The following SMARCA2 variants were observed in gnomAD, a reference collection of about 807,000 sequenced individuals.
SMARCA2 encodes SWI/SNF related BAF chromatin remodeling complex subunit ATPase 2.
SMARCA2 carries 61 observed loss-of-function variants against 199.8 expected under a neutral mutation model. The observed-to-expected ratio is 0.31, with a 90% CI of 0.25 to 0.38. The LOEUF is 0.38. Ranked by LOEUF, SMARCA2 falls within the 10% of genes least tolerant of loss-of-function variation. The pLI is 1.00. For synonymous variants in SMARCA2, 935 were observed against 732.0 expected (o/e 1.28, Z -4.48); for missense variants, 1,344 against 2,012.2 (o/e 0.67, Z 6.35).
intron 4 of SMARCA2, chr9:2,040,126 TGGAGACCCAG>T: frequency 1.1e-6 from 1 of 926,200 alleles, no homozygotes. Flanking sequence ...TTGTGCAAGC[TGGAGACCCAG>T]GGAAAAAGCA....
chr9:2,047,311 C>A lies in SMARCA2; in HGVS notation c.873C>A (p.Pro291=). 1 of 1,018,638 alleles carries A rather than the reference C, an allele frequency of 9.8e-7. No individual in the cohort carries two copies. Among genetic ancestry groups the A allele is most frequent in the Non-Finnish European group, 1.2e-6 (1 of 847,388 alleles). The allele number at this position is 1,018,638 out of a possible 1,614,324, so 63.1% of individuals were successfully genotyped here. The change falls in exon 5 of 34, where the codon CCC becomes CCA. Residue 291 remains proline, a synonymous_variant. Transcript: ENST00000349721. ...PAPGGRPSPA[P]PAAAQPPAAA... is the part of the protein sequence containing the mutation. ...CCGGCGGCCGGCCCTCGCCCGCGCC[C>A]CCCGCAGCCGCGCAGCCGCCCGCGG...
intron 9 of SMARCA2, among the ~76,000 whole-genome samples, chr9:2,064,577 T>A (rs1440088484): frequency 6.6e-6 from 1 of 152,240 alleles, no homozygotes; most frequent in Non-Finnish European, 1.5e-5. Context: ...GTTGAATCAA[T>A]AATAATTGGT....
chr9:2,149,743 A>AT (rs1824961410), intron 27 of SMARCA2, among the ~76,000 whole-genome samples: 2 of 151,428 alleles, frequency 1.3e-5, no homozygotes, highest in Admixed American at 6.6e-5. Flanking sequence ...CTTTGTTCTT[A>AT]TTTTTTTGCG....
chr9:2,094,596 G>A (rs752848866), intron 19 of SMARCA2, among the ~76,000 whole-genome samples: 1 of 152,174 alleles, frequency 6.6e-6, no homozygotes, highest in Non-Finnish European at 1.5e-5. Context: ...CTCCTCAGTC[G>A]TCCTAACGTG....
intron 29 of SMARCA2, among the ~76,000 whole-genome samples, chr9:2,175,472 G>T (rs1826520079): frequency 2.0e-5 from 3 of 152,264 alleles, no homozygotes; most frequent in Admixed American, 1.3e-4. Context: ...TAAAACTTTT[G>T]TGTAATGATT....
Position 2,039,582 on chromosome 9 carries a change from C to G in SMARCA2, c.472C>G (p.Pro158Ala), listed in dbSNP as rs548490250. The G allele has an allele frequency of 2.5e-6, 4 of 1,614,210 alleles. No individual in the cohort carries two copies. Among genetic ancestry groups the G allele is most frequent in the African/African-American group, 2.7e-5 (2 of 75,044 alleles). ...ACCAAGCCAGCCGGGGGCCCTCATC[C>G]CAGGTGATCCGCAGGCCATGAGCCA... Reference protein sequence around the residue: ...MPPSQPGALIPGDPQAMSQPN... With the variant: ...MPPSQPGALIAGDPQAMSQPN... Residue 158 changes from proline to alanine, a missense_variant, in exon 4 of 34, where the codon CCA (proline) becomes GCA (alanine). Transcript: ENST00000349721. The surrounding 1 kb of genome is among the most constrained non-coding windows in gnomAD (Gnocchi z 4.8).
At chr9:2,137,515 G>A (rs1322054598) in intron 27 of SMARCA2, among the ~76,000 whole-genome samples, 1 of 152,076 alleles carries the variant, frequency 6.6e-6, no homozygotes, top group African/African-American at 2.4e-5. Flanking sequence ...ATCTTCATGT[G>A]GCTGTCTCCT....
intron 27 of SMARCA2, among the ~76,000 whole-genome samples, chr9:2,146,854 T>TGTTAA (rs1824774957): frequency 6.6e-6 from 1 of 152,140 alleles, no homozygotes; most frequent in East Asian, 1.9e-4. Flanking sequence ...CATCACCATC[T>TGTTAA]TGGTTTTGGT....
Position 2,170,526 on chromosome 9 carries a change from G to A in SMARCA2, c.4253+54G>A, listed in dbSNP as rs376047971. ...TCTAAATACAGGTATCCCTCGTTAC[G>A]TGAAACAGATTGAATCATATAATCG... On this transcript the variant is annotated intron_variant, in intron 29 of 33. Transcript: ENST00000349721. The surrounding 1 kb of genome is among the most constrained non-coding windows in gnomAD (Gnocchi z 4.7). 9.9e-4 allele frequency: 1,590 copies of A among 1,612,912 alleles called. 21 individuals are homozygous for A. The South Asian group carries it at 0.014, about 14-fold the overall frequency.
At chr9:2,178,749 G>A (rs184334682) in intron 29 of SMARCA2, among the ~76,000 whole-genome samples, 4 of 151,950 alleles carry the variant, frequency 2.6e-5, no homozygotes, top group Admixed American at 2.6e-4. Context: ...TGTAATTTAG[G>A]AAAAAAATAA....
chr9:2,077,598 G>A (rs975049735), intron 13 of SMARCA2, 31 bp from the exon 14 acceptor site: 1 of 1,607,380 alleles, frequency 6.2e-7, no homozygotes, highest in Non-Finnish European at 8.5e-7. Context: ...GCACATGTCT[G>A]TGTGTGATTC....
chr9:2,018,088 A>G (rs922355966), intron 1 of SMARCA2: 1 of 152,226 alleles, frequency 6.6e-6, no homozygotes, highest in East Asian at 1.9e-4. Flanking sequence ...TCGGGCCTAA[A>G]CGTACCTCCA....
Position 2,093,863 on chromosome 9 carries a change from T to G in SMARCA2, c.2884-2794T>G, listed in dbSNP as rs113855072. Among the ~76,000 whole-genome samples the G allele has an allele frequency of 4.4e-3, 669 of 152,342 alleles. 5 individuals are homozygous for G. The highest frequency in any genetic ancestry group is 0.015 in the African/African-American group (639 of 41,570). On this transcript the variant is annotated intron_variant, in intron 19 of 33. Transcript: ENST00000349721. ...CATTGACCTGTGCCCTGAAAGTAAC[T>G]CATATCTTGAGACATTAATATTAGT...
intron 27 of SMARCA2, among the ~76,000 whole-genome samples, chr9:2,126,880 T>A (rs781655980): frequency 3.9e-5 from 6 of 152,256 alleles, no homozygotes; most frequent in Non-Finnish European, 7.3e-5. Context: ...CTCTGATTAA[T>A]AGTTCTTCCT....
intron 2 of SMARCA2, chr9:2,032,666 G>C: frequency 4.2e-6 from 1 of 239,796 alleles, no homozygotes; most frequent in Non-Finnish European, 8.1e-6. Flanking sequence ...GCCTATATTT[G>C]TCTACCTTGT....
intron 3 of SMARCA2, among the ~76,000 whole-genome samples, chr9:2,035,570 C>T (rs879537596): frequency 3.3e-5 from 5 of 152,102 alleles, no homozygotes; most frequent in Admixed American, 2.6e-4. Context: ...AGAATGATGT[C>T]TTATTTATCT....
In SMARCA2 at chr9:2,087,170, G is replaced by C. The variant is rs190262405; in HGVS notation, c.2769+99G>C. The C allele has an allele frequency of 6.9e-5, 99 of 1,426,648 alleles. No individual in the cohort carries two copies. In the African/African-American group the frequency reaches 1.2e-3, roughly 17 times the overall value. The allele number at this position is 1,426,648 out of a possible 1,614,324, so 88.4% of individuals were successfully genotyped here. On this transcript the variant is annotated intron_variant, in intron 18 of 33. Coordinates refer to ENST00000349721, the MANE Select transcript of SMARCA2 (RefSeq NM_003070.5). Reference sequence around the variant, plus strand: ...TAGAGCCACAGAACACCCGCAGGGTGGTTTCCACTGTTGTTTATTTTATGA... The same window carrying C: ...TAGAGCCACAGAACACCCGCAGGGTCGTTTCCACTGTTGTTTATTTTATGA...
At chr9:2,057,059 C>A (rs1475372688) in intron 7 of SMARCA2, among the ~76,000 whole-genome samples, 1 of 152,174 alleles carries the variant, frequency 6.6e-6, no homozygotes, top group African/African-American at 2.4e-5. Flanking sequence ...CAAGGTCATA[C>A]AATTGCTTAG....
At position 2,056,626 on chromosome 9, in the gene SMARCA2, C is replaced by T. The variant is rs761686613; in HGVS notation, c.1174-46C>T. ...CGCGAGAAGGCCAGAGTTCAGGAAC[C>T]TAGCTTCTGTTAGGGAAGGCTGTCT... is the stretch of plus-strand genomic sequence containing the variant. On this transcript the variant is annotated intron_variant, in intron 6 of 33. Transcript: ENST00000349721. The surrounding 1 kb of genome is among the most constrained non-coding windows in gnomAD (Gnocchi z 4.0). 1.9e-6 allele frequency: 3 copies of T among 1,573,814 alleles called. No individual in the cohort carries two copies. Among genetic ancestry groups the T allele is most frequent in the Non-Finnish European group, 2.6e-6 (3 of 1,160,012 alleles).
Sources: allele counts gnomAD v4.1 joint callset (sites outside exome capture counted in the v4.1 genomes callset), GRCh38; gene constraint gnomAD v4.1.1; non-coding constraint Gnocchi (gnomAD v3.1); transcripts MANE v1.5; gene names NCBI Gene and HGNC (gene_info 2026-07-23, HGNC 2026-07-21).